Variants in ASCC1 observed in about 807,000 individuals in gnomAD.
ASCC1 encodes ASC-1 complex subunit P50.
In ASCC1, 35 loss-of-function variants were observed where a neutral mutation model predicts 46.6. The ratio of observed to expected loss-of-function variants is 0.75; its 90% CI spans 0.57 to 0.99. The LOEUF (loss-of-function observed/expected upper bound fraction) is 0.99, where lower values mean the gene tolerates loss of function less well. Ranked by LOEUF, ASCC1 falls within the 50% of genes least tolerant of loss-of-function variation. The pLI is 0.00. For synonymous variants in ASCC1, 143 were observed against 146.6 expected (o/e 0.98, Z 0.18); for missense variants, 376 against 428.7 (o/e 0.88, Z 1.09).
intron 6 of ASCC1, among the ~76,000 whole-genome samples, chr10:72,156,244 A>G (rs1156793798): frequency 6.6e-6 from 1 of 152,182 alleles, no homozygotes; most frequent in East Asian, 1.9e-4. Context: ...TGCTTCTGCT[A>G]TGTGATGTGC....
chr10:72,213,818 T>TTG (rs1224626742), intron 1 of ASCC1, among the ~76,000 whole-genome samples: 2 of 146,904 alleles, frequency 1.4e-5, no homozygotes, highest in African/African-American at 5.1e-5. Context: ...GGCAGGCAGA[T>TTG]CACAAGGTCA....
chr10:72,174,102 T>C (rs572319920), intron 5 of ASCC1, among the ~76,000 whole-genome samples: 1 of 152,340 alleles, frequency 6.6e-6, no homozygotes, highest in Non-Finnish European at 1.5e-5. Context: ...ATGCGAAAGC[T>C]TCCTCTAAAG....
At chr10:72,203,737 A>G (rs1856820641) in intron 3 of ASCC1, among the ~76,000 whole-genome samples, 1 of 152,224 alleles carries the variant, frequency 6.6e-6, no homozygotes, top group South Asian at 2.1e-4. Context: ...CCCTATAGCC[A>G]ATTCAATGCA....
intron 1 of ASCC1, among the ~76,000 whole-genome samples, chr10:72,213,718 T>A (rs2133546446): frequency 6.6e-6 from 1 of 150,820 alleles, no homozygotes; most frequent in South Asian, 2.1e-4. Flanking sequence ...ATCAGCCTTA[T>A]GAACATAGTG....
intron 3 of ASCC1, among the ~76,000 whole-genome samples, chr10:72,208,488 G>A (rs1178204508): frequency 3.9e-5 from 6 of 152,074 alleles, no homozygotes; most frequent in Admixed American, 2.0e-4. Flanking sequence ...GGCCGGGTGC[G>A]GTGGCTCACG....
At chr10:72,110,510 C>A (rs1287299918) in intron 9 of ASCC1, among the ~76,000 whole-genome samples, 1 of 152,236 alleles carries the variant, frequency 6.6e-6, no homozygotes, top group East Asian at 1.9e-4. Flanking sequence ...CAAATCAGGC[C>A]GGGCGCAGTG....
chr10:72,099,173 C>T (rs1294901576), intron 9 of ASCC1, among the ~76,000 whole-genome samples: 13 of 152,174 alleles, frequency 8.5e-5, no homozygotes, highest in African/African-American at 2.9e-4. Flanking sequence ...AGTGGGGAGG[C>T]CACAGTGAGA....
At position 72,136,920 on chromosome 10, in the gene ASCC1, G is replaced by T. The variant is rs530894625; in HGVS notation, c.747-3739C>A. Among the ~76,000 whole-genome samples, 17 of 151,530 alleles carry T rather than the reference G, an allele frequency of 1.1e-4. No individual in the cohort carries two copies. The East Asian group carries it at 3.3e-3, about 30-fold the overall frequency. On this transcript the variant is annotated intron_variant, in intron 7 of 9. Transcript: ENST00000672957. ...GAACCCACCGGCAGGAAGAAACTCCGGACACATCTGAACATCTGAAGGAAC... is the reference window on the plus strand; with the variant it reads ...GAACCCACCGGCAGGAAGAAACTCCTGACACATCTGAACATCTGAAGGAAC...
chr10:72,134,561 T>C (rs921632258), intron 7 of ASCC1: 1 of 152,416 alleles, frequency 6.6e-6, no homozygotes, highest in Non-Finnish European at 1.5e-5. Flanking sequence ...TTCTGTTTCA[T>C]TGCTGCCCTT....
intron 9 of ASCC1, among the ~76,000 whole-genome samples, chr10:72,106,410 CT>C (rs1245003745): frequency 1.3e-5 from 2 of 152,164 alleles, no homozygotes; most frequent in African/African-American, 4.8e-5. Flanking sequence ...GGCAATCAGA[CT>C]TTTGAAACTC....
At chr10:72,211,667 T>G (rs1379044854) in intron 2 of ASCC1, among the ~76,000 whole-genome samples, 1 of 151,292 alleles carries the variant, frequency 6.6e-6, no homozygotes, top group Non-Finnish European at 1.5e-5. Context: ...ACTAAAAATA[T>G]AAAAAATTAG....
At chr10:72,125,661 A>T (rs1173915127) in intron 9 of ASCC1, among the ~76,000 whole-genome samples, 2 of 151,410 alleles carry the variant, frequency 1.3e-5, no homozygotes, top group Admixed American at 1.3e-4. Context: ...CTTTTATTTT[A>T]AAAAAGAAGC....
chr10:72,153,883 A>G (rs896701240), intron 6 of ASCC1, among the ~76,000 whole-genome samples: 15 of 151,782 alleles, frequency 9.9e-5, no homozygotes, highest in Admixed American at 7.9e-4. Context: ...CACCACGCCA[A>G]GCTAATTTTT....
At chr10:72,160,746 A>C (rs1427081176) in intron 6 of ASCC1, among the ~76,000 whole-genome samples, 1 of 150,196 alleles carries the variant, frequency 6.7e-6, no homozygotes, top group African/African-American at 2.4e-5. Context: ...TTTATTTTTT[A>C]AAATTCTTGC....
Position 72,196,740 on chromosome 10 carries a change from T to C in ASCC1, c.489+71A>G, listed in dbSNP as rs1345522760. On this transcript the variant is annotated intron_variant, in intron 5 of 9. Coordinates refer to ENST00000672957, the MANE Select transcript of ASCC1 (RefSeq NM_001198800.3). Reference sequence around the variant, plus strand: ...AAGTTTATAACTCCCTACTGTTTGATTTATGAACCATTTTTGTATTCTTTT... The same window carrying C: ...AAGTTTATAACTCCCTACTGTTTGACTTATGAACCATTTTTGTATTCTTTT... The C allele has an allele frequency of 6.8e-6, 10 of 1,468,554 alleles. No individual in the cohort carries two copies. The East Asian group carries it at 1.5e-4, about 22-fold the overall frequency. 91.0% of individuals were successfully genotyped at this position (1,468,554 alleles called of 1,614,324 possible).
chr10:72,216,977 C>T (rs1466275677), upstream of ASCC1: 3 of 455,792 alleles, frequency 6.6e-6, no homozygotes, highest in East Asian at 6.9e-5. Flanking sequence ...ATCCAATACT[C>T]ATGACACAGC....
At chr10:72,198,772 T>C (rs1856025093) in intron 4 of ASCC1, 1 of 435,882 alleles carries the variant, frequency 2.3e-6, no homozygotes, top group African/African-American at 2.1e-5. Flanking sequence ...AACCAATACA[T>C]TTGGTTTTTC....
At chr10:72,159,523 A>C (rs1849373977) in intron 6 of ASCC1, 1 of 152,224 alleles carries the variant, frequency 6.6e-6, no homozygotes, top group South Asian at 2.1e-4. Context: ...CAGCCAAGGA[A>C]ATGTAGTAGC....
chr10:72,097,348 T>C lies in ASCC1; in HGVS notation c.1060A>G (p.Ile354Val), dbSNP rs1432552842. 1 of 1,609,944 alleles carries C rather than the reference T, an allele frequency of 6.2e-7. No homozygotes were observed. The highest frequency in any genetic ancestry group is 1.7e-5 in the Admixed American group (1 of 59,982). ...SFGNYASCGQ[I>V]DFS ...CAAGATCCACCTCAGGAGAAGTCAA[T>C]TTGTCCACAGGAAGCGTAGTTTCCA... Residue 354 changes from isoleucine (I) to valine (V), a missense_variant, in exon 10 of 10, where the codon ATT (isoleucine) becomes GTT (valine). Physicochemically the swap from Ile to Val is conservative, Grantham distance 29 (BLOSUM62 3). Transcript: ENST00000672957.
Sources: allele counts gnomAD v4.1 joint callset (sites outside exome capture counted in the v4.1 genomes callset), GRCh38; gene constraint gnomAD v4.1.1; transcripts MANE v1.5; gene names NCBI Gene and HGNC (gene_info 2026-07-23, HGNC 2026-07-21).